Variants in TEKT5 observed in about 807,000 individuals in gnomAD.
The protein encoded by TEKT5 is tektin 5, also known as tektin-5.
TEKT5 carries 52 observed loss-of-function variants against 48.7 expected under a neutral mutation model. That is an observed-to-expected ratio of 1.07 (90% confidence interval 0.86 to 1.35). The LOEUF (loss-of-function observed/expected upper bound fraction) is 1.35. TEKT5 is among the 40% of genes most tolerant of loss of function. The pLI, the probability that TEKT5 is intolerant of heterozygous loss-of-function variation, is 0.00. For synonymous variants in TEKT5, 318 were observed against 267.6 expected, an observed-to-expected ratio of 1.19 and a Z score of -1.84; for missense variants, 831 against 641.6, an observed-to-expected ratio of 1.30 and a Z score of -3.19.
At position 10,694,906 on chromosome 16, in the gene TEKT5, A is replaced by C; in HGVS notation, c.-33T>G. 1.7e-5 allele frequency: 25 copies of C among 1,512,722 alleles called. No individual in the cohort carries two copies. Among genetic ancestry groups the C allele is most frequent in the Non-Finnish European group, 2.1e-5 (24 of 1,136,856 alleles). 93.7% of individuals were successfully genotyped at this position (1,512,722 alleles called of 1,614,324 possible). The stretch of plus-strand genomic sequence containing the variant: ...CATGAGCCCCACTCGGGCAAAACTC[A>C]GCTCAAGGAGCCAAAGGCATCACCA... On this transcript the variant is annotated 5_prime_UTR_variant, in exon 1 of 7. Coordinates refer to ENST00000283025, the MANE Select transcript of TEKT5 (RefSeq NM_144674.2).
At chr16:10,681,595 ATT>A (rs35402400) in intron 4 of TEKT5, among the ~76,000 whole-genome samples, 47 of 142,662 alleles carry the variant, frequency 3.3e-4, no homozygotes, top group East Asian at 4.2e-4. Flanking sequence ...TTGTTTCGGA[ATT>A]TTTTTTTTTT....
At chr16:10,655,926 G>A (rs1331610740) in intron 5 of TEKT5, among the ~76,000 whole-genome samples, 1 of 152,224 alleles carries the variant, frequency 6.6e-6, no homozygotes, top group Non-Finnish European at 1.5e-5. Flanking sequence ...TTAAACTGGT[G>A]TTATTTGGGG....
intron 6 of TEKT5, among the ~76,000 whole-genome samples, chr16:10,628,957 G>T (rs1897796337): frequency 6.7e-6 from 1 of 148,410 alleles, no homozygotes; most frequent in Non-Finnish European, 1.5e-5. Flanking sequence ...CAACATGAAT[G>T]AACCTTGAAA....
At chr16:10,653,342 C>A (rs1898201573) in intron 5 of TEKT5, among the ~76,000 whole-genome samples, 2 of 152,206 alleles carry the variant, frequency 1.3e-5, no homozygotes, top group African/African-American at 4.8e-5. Flanking sequence ...GCTTTGCATA[C>A]AGTAGGCTGC....
At chr16:10,674,771 C>A (rs1037216365) in intron 5 of TEKT5, among the ~76,000 whole-genome samples, 1 of 151,770 alleles carries the variant, frequency 6.6e-6, no homozygotes, top group Non-Finnish European at 1.5e-5. Flanking sequence ...ACCCTGCCTG[C>A]AGCCCACTAA....
At chr16:10,651,853 T>C (rs1898165096) in intron 5 of TEKT5, among the ~76,000 whole-genome samples, 1 of 152,102 alleles carries the variant, frequency 6.6e-6, no homozygotes, top group South Asian at 2.1e-4. Context: ...TCCAAGCTAC[T>C]TGAGAGGCTG....
chr16:10,670,690 G>C (rs989051887), intron 5 of TEKT5, among the ~76,000 whole-genome samples: 1 of 152,102 alleles, frequency 6.6e-6, no homozygotes, highest in Admixed American at 6.6e-5. Flanking sequence ...TGTCAATAGC[G>C]TAGGGTTGGA....
chr16:10,644,198 TTTCC>T (rs1331132947), intron 5 of TEKT5, among the ~76,000 whole-genome samples: 1 of 152,226 alleles, frequency 6.6e-6, no homozygotes, highest in African/African-American at 2.4e-5. Context: ...TACAAAGTCC[TTTCC>T]CATCTTTTAC....
chr16:10,653,835 C>T (rs1220947605), intron 5 of TEKT5, among the ~76,000 whole-genome samples: 1 of 152,130 alleles, frequency 6.6e-6, no homozygotes, highest in Non-Finnish European at 1.5e-5. Context: ...GTCACTTGAA[C>T]CTGGGAGGCA....
intron 6 of TEKT5, among the ~76,000 whole-genome samples, chr16:10,630,573 T>A (rs936813686): frequency 2.6e-5 from 4 of 152,188 alleles, no homozygotes; most frequent in Non-Finnish European, 5.9e-5. Context: ...GGAAAGTATG[T>A]TGCAGCAGTG....
At chr16:10,689,053 C>T (rs1273283283) in intron 3 of TEKT5, among the ~76,000 whole-genome samples, 200 bp downstream of exon 3, 3 of 152,052 alleles carry the variant, frequency 2.0e-5, no homozygotes, top group Non-Finnish European at 2.9e-5. Context: ...GTAACATTTA[C>T]ACCAGCGAAA....
chr16:10,694,914 G>T lies in TEKT5; in HGVS notation c.-41C>A. The T allele has an allele frequency of 6.6e-7, 1 of 1,506,496 alleles. No homozygotes were observed. Among genetic ancestry groups the T allele is most frequent in the Non-Finnish European group, 8.8e-7 (1 of 1,133,312 alleles). 93.3% of individuals were successfully genotyped at this position (1,506,496 alleles called of 1,614,324 possible). A position where few individuals can be genotyped will look rare whatever the true frequency, so the allele number is the denominator to read the frequency against. On this transcript the variant is annotated 5_prime_UTR_variant, in exon 1 of 7. Transcript: ENST00000283025. ...CCACTCGGGCAAAACTCAGCTCAAG[G>T]AGCCAAAGGCATCACCAGGAAAGGT...
In TEKT5 at chr16:10,635,844, C is replaced by T. The variant is rs59889648; in HGVS notation, c.1161G>A (p.Pro387=). ...LERSIMAKEG[P]LKVAQTRLEC... is the part of the protein sequence containing the mutation. ...CCAGCCTTGTCTGGGCCACCTTCAG[C>T]GGGCCCTCCTTGGCCATGATGGACC... The change falls in exon 6 of 7, where the codon CCG becomes CCA. Residue 387 remains proline, a synonymous_variant. Coordinates refer to ENST00000283025, the MANE Select transcript of TEKT5 (RefSeq NM_144674.2). 2.0e-4 allele frequency: 315 copies of T among 1,614,108 alleles called. 2 individuals are homozygous for T. The African/African-American group carries it at 2.9e-3, about 15-fold the overall frequency.
chr16:10,645,720 T>C (rs748805359), intron 5 of TEKT5, among the ~76,000 whole-genome samples: 2 of 152,134 alleles, frequency 1.3e-5, no homozygotes, highest in African/African-American at 2.4e-5. Context: ...GAAAATCGCT[T>C]GAACCTGGGA....
At position 10,627,829 on chromosome 16, in the gene TEKT5, G is replaced by C. The variant is rs774365647; in HGVS notation, c.1242-30C>G. On this transcript the variant is annotated intron_variant, in intron 6 of 6. Coordinates refer to ENST00000283025, the MANE Select transcript of TEKT5 (RefSeq NM_144674.2). Reference sequence around the variant, plus strand: ...GGTGAGGGCAGAGGAGAAGGCACAGGTTATTCATTTATTTTTATTTGTTTA... The same window carrying C: ...GGTGAGGGCAGAGGAGAAGGCACAGCTTATTCATTTATTTTTATTTGTTTA... 3.1e-6 allele frequency: 5 copies of C among 1,588,262 alleles called. No individual in the cohort carries two copies. In the Admixed American group the frequency reaches 8.5e-5, roughly 27 times the overall value.
In TEKT5 at chr16:10,627,682, C is replaced by T; in HGVS notation, c.1359G>A (p.Glu453=). The T allele has an allele frequency of 1.2e-6, 2 of 1,614,220 alleles. No homozygotes were observed. Among genetic ancestry groups the T allele is most frequent in the Non-Finnish European group, 1.7e-6 (2 of 1,180,048 alleles). ...AGAGGGTGTTGGCCTTGATGGCGAG[C>T]TCGTGCTCCAGCCGGCACTTGGTCA... The part of the protein sequence containing the change: ...LVMTKCRLEH[E]LAIKANTLCI... The change falls in exon 7 of 7, where the codon GAG becomes GAA. Residue 453 remains glutamate (E), a synonymous_variant. Coordinates refer to ENST00000283025, the MANE Select transcript of TEKT5 (RefSeq NM_144674.2).
intron 5 of TEKT5, among the ~76,000 whole-genome samples, chr16:10,662,057 T>C (rs1898381783): frequency 1.3e-5 from 2 of 152,190 alleles, no homozygotes; most frequent in Non-Finnish European, 1.5e-5. Flanking sequence ...ACCTTAATGC[T>C]AGCAGATCAG....
At chr16:10,658,687 G>A (rs930802399) in intron 5 of TEKT5, among the ~76,000 whole-genome samples, 2 of 151,340 alleles carry the variant, frequency 1.3e-5, no homozygotes, top group Non-Finnish European at 2.9e-5. Flanking sequence ...ATCACCTATT[G>A]ACATTCAGTG....
At position 10,627,843 on chromosome 16, in the gene TEKT5, T is replaced by C. The variant is rs375244400; in HGVS notation, c.1242-44A>G. Reference sequence around the variant, plus strand: ...AGAAGGCACAGGTTATTCATTTATTTTTATTTGTTTATTTTTTGAGACAGA... The same window carrying C: ...AGAAGGCACAGGTTATTCATTTATTCTTATTTGTTTATTTTTTGAGACAGA... On this transcript the variant is annotated intron_variant, in intron 6 of 6. Transcript: ENST00000283025. 127 of 1,553,662 alleles carry C rather than the reference T, an allele frequency of 8.2e-5. 1 individual carries two copies. The Middle Eastern group carries it at 6.4e-3, about 78-fold the overall frequency.
Sources: gnomAD v4.1 joint callset for allele counts (sites outside exome capture counted in the v4.1 genomes callset) on GRCh38, gnomAD v4.1.1 for gene constraint, MANE v1.5 for transcripts, NCBI Gene and HGNC (gene_info 2026-07-23, HGNC 2026-07-21) for gene names.